GALNT13: variants seen among roughly 807,000 people sequenced by gnomAD.
GALNT13 encodes the protein UDP-GalNAc:polypeptide N-acetylgalactosaminyltransferase 13.
A neutral mutation model predicts 64.2 loss-of-function variants in GALNT13; 28 were observed. The observed-to-expected ratio is 0.44, with a 90% CI of 0.32 to 0.60. The LOEUF is 0.60. Among genes scored for constraint, GALNT13 ranks in the 20% least tolerant of loss-of-function variants. The pLI is 0.05. For missense variants in GALNT13, 577 were observed against 669.8 expected (o/e 0.86, Z 1.53); for synonymous variants, 214 against 224.6 (o/e 0.95, Z 0.42).
the GALNT13 span, among the ~76,000 whole-genome samples, chr2:153,474,637 A>G: frequency 6.6e-6 from 1 of 152,214 alleles, no homozygotes; most frequent in Non-Finnish European, 1.5e-5. Context: ...AGGCCACCCA[A>G]TTAAGCTAAG....
intron 4 of GALNT13, among the ~76,000 whole-genome samples, chr2:154,151,698 C>T (rs1178514168): frequency 6.6e-6 from 1 of 152,138 alleles, no homozygotes. Context: ...CCTTCTTTGT[C>T]TCTTTTGATC....
chr2:154,004,610 T>C (rs1175521619), intron 3 of GALNT13, among the ~76,000 whole-genome samples: 1 of 152,190 alleles, frequency 6.6e-6, no homozygotes, highest in East Asian at 1.9e-4. Flanking sequence ...ATTGATCTCT[T>C]AGTGTTTTGA....
intron 2 of GALNT13, among the ~76,000 whole-genome samples, chr2:153,914,799 C>G (rs903830677): frequency 6.6e-6 from 1 of 152,042 alleles, no homozygotes; most frequent in African/African-American, 2.4e-5. Context: ...TTTTTCCAAC[C>G]CTTTCCGTCT....
chr2:153,977,393 A>T lies in GALNT13; in HGVS notation c.142+32754A>T, dbSNP rs576086538. 3.2e-4 allele frequency among the ~76,000 whole-genome samples: 48 copies of T among 152,262 alleles called. No homozygotes were observed. In the South Asian group the frequency reaches 9.7e-3, roughly 31 times the overall value. ...GCTGGAGAAACCTCAGGAAACTTTAAAGCAGAAAGGGAAGCAAACACATCC... is the reference window on the plus strand; with the variant it reads ...GCTGGAGAAACCTCAGGAAACTTTATAGCAGAAAGGGAAGCAAACACATCC... On this transcript the variant is annotated intron_variant, in intron 3 of 12. Coordinates refer to ENST00000392825, the MANE Select transcript of GALNT13 (RefSeq NM_052917.4).
chr2:153,295,007 G>A, the GALNT13 span, among the ~76,000 whole-genome samples: 5 of 152,114 alleles, frequency 3.3e-5, no homozygotes, highest in African/African-American at 1.2e-4. Context: ...ATTTAAATTT[G>A]CATCTGAAAT....
the GALNT13 span, among the ~76,000 whole-genome samples, chr2:153,799,603 A>T: frequency 6.6e-6 from 1 of 152,126 alleles, no homozygotes; most frequent in African/African-American, 2.4e-5. Context: ...CCATTATAGT[A>T]ACTATAGTCA....
At chr2:154,153,344 G>T (rs1433686259) in intron 4 of GALNT13, among the ~76,000 whole-genome samples, 4 of 152,182 alleles carry the variant, frequency 2.6e-5, no homozygotes, top group Admixed American at 6.5e-5. Context: ...CCCTACTGGG[G>T]GGTGCCTCCC....
chr2:154,356,549 A>G (rs1204925471), intron 9 of GALNT13, among the ~76,000 whole-genome samples: 1 of 152,012 alleles, frequency 6.6e-6, no homozygotes, highest in Non-Finnish European at 1.5e-5. Context: ...GAGGTACTTT[A>G]TCATTTACAC....
the GALNT13 span, among the ~76,000 whole-genome samples, chr2:153,542,802 G>A: frequency 3.7e-4 from 57 of 152,302 alleles, no homozygotes; most frequent in African/African-American, 1.3e-3. Context: ...TCTTTGTCAA[G>A]ACCAACAGAT....
chr2:154,277,930 A>G (rs1267586257), intron 8 of GALNT13, among the ~76,000 whole-genome samples: 1 of 152,186 alleles, frequency 6.6e-6, no homozygotes, highest in Non-Finnish European at 1.5e-5. Flanking sequence ...TGCCACCATG[A>G]TACACCTGCA....
At chr2:153,901,091 T>A (rs573136601) in intron 2 of GALNT13, 84 bp downstream of exon 2, 1 of 152,266 alleles carries the variant, frequency 6.6e-6, no homozygotes, top group Non-Finnish European at 1.5e-5. Flanking sequence ...CCATTTCTAT[T>A]TACAGTCTTT....
At chr2:153,246,861 TAA>T in the GALNT13 span, among the ~76,000 whole-genome samples, 1 of 152,252 alleles carries the variant, frequency 6.6e-6, no homozygotes, top group East Asian at 1.9e-4. Context: ...TTAAATTGGA[TAA>T]AGTGTCAAGA....
chr2:153,546,579 C>T, the GALNT13 span, among the ~76,000 whole-genome samples: 1 of 152,188 alleles, frequency 6.6e-6, no homozygotes, highest in South Asian at 2.1e-4. Context: ...AGATTAGATG[C>T]TCTACTTCAC....
At chr2:154,191,257 GCGCA>G (rs950695804) in intron 4 of GALNT13, among the ~76,000 whole-genome samples, 7 of 152,048 alleles carry the variant, frequency 4.6e-5, no homozygotes, top group African/African-American at 1.7e-4. Context: ...ACATTTGCAC[GCGCA>G]CGCACGCACA....
the GALNT13 span, among the ~76,000 whole-genome samples, chr2:153,696,532 A>G: frequency 2.0e-5 from 3 of 152,216 alleles, no homozygotes; most frequent in Admixed American, 6.5e-5. Flanking sequence ...GTTTTTTCCT[A>G]TACATACATG....
At chr2:154,061,043 A>AGCTT (rs1482521031) in intron 3 of GALNT13, among the ~76,000 whole-genome samples, 102 of 63,254 alleles carry the variant, frequency 1.6e-3, no homozygotes, top group African/African-American at 5.6e-3. Context: ...TTCTTAGCTT[A>AGCTT]TATATATAAA....
the GALNT13 span, among the ~76,000 whole-genome samples, chr2:153,635,200 G>GC: frequency 1.3e-5 from 2 of 151,818 alleles, no homozygotes; most frequent in Non-Finnish European, 2.9e-5. Flanking sequence ...CCCAGTTTAG[G>GC]CTTCCTGCCC....
the GALNT13 span, among the ~76,000 whole-genome samples, chr2:153,387,676 T>C: frequency 0.26 from 40,063 of 151,908 alleles, 6,807 homozygotes; most frequent in Non-Finnish European, 0.39. Context: ...GAATAAAAAG[T>C]CACTCAACAC....
intron 8 of GALNT13, among the ~76,000 whole-genome samples, chr2:154,299,149 A>G (rs1023424639): frequency 6.7e-6 from 1 of 150,040 alleles, no homozygotes; most frequent in Admixed American, 6.7e-5. Flanking sequence ...TGTTTTATAA[A>G]TTTTTGAAGC....
Sources: allele counts gnomAD v4.1 joint callset (sites outside exome capture counted in the v4.1 genomes callset), GRCh38; gene constraint gnomAD v4.1.1; transcripts MANE v1.5; gene names NCBI Gene and HGNC (gene_info 2026-07-23, HGNC 2026-07-21).